LANCL2: variants seen among roughly 807,000 people sequenced by gnomAD.
LANCL2 encodes the protein LanC like glutathione S-transferase 2.
Under a neutral mutation model 56.9 loss-of-function variants are expected in LANCL2, and 33 were observed. The observed-to-expected ratio is 0.58, with a 90% CI of 0.44 to 0.78. The LOEUF is 0.78. Ranked by LOEUF, LANCL2 falls within the 30% of genes least tolerant of loss-of-function variation. The probability of loss-of-function intolerance (pLI) is 0.00; values close to 1 mark genes in which losing one functional copy is unlikely to be tolerated. For synonymous variants in LANCL2, 233 were observed against 228.2 expected (o/e 1.02, Z -0.19); for missense variants, 562 against 580.2 (o/e 0.97, Z 0.32).
At chr7:55,401,515 CTTTTT>C (rs58005456) in intron 5 of LANCL2, among the ~76,000 whole-genome samples, 195 bp downstream of exon 5, 5 of 58,046 alleles carry the variant, frequency 8.6e-5, no homozygotes, top group Non-Finnish European at 1.2e-4. Flanking sequence ...GGTATGGAGT[CTTTTT>C]TTTTTTTTTT....
chr7:55,391,893 C>T lies in LANCL2; in HGVS notation c.305C>T (p.Ala102Val). 1 of 1,589,788 alleles carries T rather than the reference C, an allele frequency of 6.3e-7. No individual in the cohort carries two copies. Among genetic ancestry groups the T allele is most frequent in the Non-Finnish European group, 8.6e-7 (1 of 1,158,234 alleles). Reference sequence around the variant, plus strand: ...ACAGCTGATCCCCATGACTGCTCTGCTTATACTGGCTGGACAGGTGAGGCT... The same window carrying T: ...ACAGCTGATCCCCATGACTGCTCTGTTTATACTGGCTGGACAGGTGAGGCT... ...LKTADPHDCS[A>V]YTGWTGIALL... Residue 102 changes from alanine (A) to valine (V), a missense_variant, in exon 2 of 9, where the codon GCT becomes GTT. Transcript: ENST00000254770.
At chr7:55,426,909 G>A (rs1170289501) in intron 7 of LANCL2, among the ~76,000 whole-genome samples, 7 of 152,318 alleles carry the variant, frequency 4.6e-5, no homozygotes, top group Admixed American at 3.9e-4. Flanking sequence ...TGGGCAATGC[G>A]AGAAGACCGC....
chr7:55,395,828 A>T (rs1323137751), intron 2 of LANCL2, among the ~76,000 whole-genome samples: 1 of 152,232 alleles, frequency 6.6e-6, no homozygotes, highest in East Asian at 1.9e-4. Context: ...ACAGTCATGC[A>T]TCGCTTCACA....
Position 55,365,907 on chromosome 7 carries a change from G to A in LANCL2, c.-119G>A, listed in dbSNP as rs561768020. The A allele has an allele frequency of 1.4e-5, 10 of 721,062 alleles. No individual in the cohort carries two copies. The highest frequency in any genetic ancestry group is 1.0e-4 in the East Asian group (3 of 29,386). 44.7% of individuals were successfully genotyped at this position (721,062 alleles called of 1,614,324 possible). Reference sequence around the variant, plus strand: ...CGCCCCGCTCCTCCCGCCAGCGCGCGGCCTCGCTCCTCCTAGAGGACGCTC... The same window carrying A: ...CGCCCCGCTCCTCCCGCCAGCGCGCAGCCTCGCTCCTCCTAGAGGACGCTC... On this transcript the variant is annotated 5_prime_UTR_variant, in exon 1 of 9. Transcript: ENST00000254770.
chr7:55,417,292 T>C (rs540992787), intron 6 of LANCL2, among the ~76,000 whole-genome samples: 1 of 152,220 alleles, frequency 6.6e-6, no homozygotes, highest in African/African-American at 2.4e-5. Context: ...GGTGTTTTTT[T>C]TTAACCATAG....
At chr7:55,380,504 A>G (rs1346505068) in intron 1 of LANCL2, among the ~76,000 whole-genome samples, 1 of 152,216 alleles carries the variant, frequency 6.6e-6, no homozygotes, top group East Asian at 1.9e-4. Flanking sequence ...CCTGTATAAA[A>G]CAACTATAAA....
At chr7:55,390,778 C>CA (rs556762101) in intron 1 of LANCL2, among the ~76,000 whole-genome samples, 108 of 138,606 alleles carry the variant, frequency 7.8e-4, no homozygotes, top group Admixed American at 1.1e-3. Flanking sequence ...AAAACTGTCT[C>CA]AAAAAAAAAA....
intron 6 of LANCL2, among the ~76,000 whole-genome samples, chr7:55,415,003 A>AAAAAG (rs1562868037): frequency 9.2e-5 from 7 of 76,216 alleles, no homozygotes; most frequent in Admixed American, 3.2e-4. Context: ...AAAAAAAAAG[A>AAAAAG]AAAGAAAAGA....
At chr7:55,374,808 G>T (rs1301015437) in intron 1 of LANCL2, among the ~76,000 whole-genome samples, 2 of 152,090 alleles carry the variant, frequency 1.3e-5, no homozygotes, top group African/African-American at 4.8e-5. Flanking sequence ...ATTACTTTAT[G>T]GTATACAGTT....
At chr7:55,391,194 T>C (rs1790184955) in intron 1 of LANCL2, among the ~76,000 whole-genome samples, 1 of 74,726 alleles carries the variant, frequency 1.3e-5, no homozygotes, top group Non-Finnish European at 3.5e-5. Context: ...TTTTTTTGTG[T>C]TTTTTAGTAG....
intron 1 of LANCL2, among the ~76,000 whole-genome samples, chr7:55,390,276 A>G (rs924682192): frequency 2.6e-5 from 4 of 152,100 alleles, no homozygotes; most frequent in Non-Finnish European, 5.9e-5. Flanking sequence ...ATAAGGGGAA[A>G]CCTCCCAATT....
intron 1 of LANCL2, among the ~76,000 whole-genome samples, chr7:55,370,853 T>G (rs1018822043): frequency 3.9e-5 from 6 of 152,008 alleles, no homozygotes; most frequent in Admixed American, 3.9e-4. Flanking sequence ...GTGATTGGAG[T>G]TGATGCTGAA....
chr7:55,383,437 G>A (rs1790090493), intron 1 of LANCL2, among the ~76,000 whole-genome samples: 1 of 152,106 alleles, frequency 6.6e-6, no homozygotes, highest in African/African-American at 2.4e-5. Flanking sequence ...AAAGTAATTG[G>A]CCCTCCCACC....
intron 6 of LANCL2, among the ~76,000 whole-genome samples, chr7:55,423,392 A>AGG (rs1462938696): frequency 1.3e-5 from 2 of 152,226 alleles, no homozygotes; most frequent in Admixed American, 1.3e-4. Context: ...CTCCACCAGC[A>AGG]GGGGCAGCTC....
intron 8 of LANCL2, 78 bp downstream of exon 8, chr7:55,428,525 A>C: frequency 8.9e-7 from 1 of 1,129,214 alleles, no homozygotes; most frequent in Non-Finnish European, 1.3e-6. Flanking sequence ...GGCACTGTTC[A>C]TATTTGACCT....
chr7:55,399,717 A>G (rs890941830), intron 3 of LANCL2, among the ~76,000 whole-genome samples: 1 of 152,204 alleles, frequency 6.6e-6, no homozygotes, highest in African/African-American at 2.4e-5. Context: ...TTTATGGTTT[A>G]AAATAGATGT....
chr7:55,402,241 G>A (rs1406103938), intron 5 of LANCL2, among the ~76,000 whole-genome samples: 1,578 of 137,350 alleles, frequency 0.011, 1 homozygote, highest in African/African-American at 0.04. Context: ...GGCTGGCCGG[G>A]CGGGGGGCTG....
intron 2 of LANCL2, among the ~76,000 whole-genome samples, chr7:55,393,094 A>G (rs973901109): frequency 6.6e-6 from 1 of 152,230 alleles, no homozygotes; most frequent in Non-Finnish European, 1.5e-5. Flanking sequence ...CCCAGTATTC[A>G]GAACATTCTA....
At chr7:55,401,396 A>G in intron 5 of LANCL2, 76 bp downstream of exon 5, 3 of 1,341,854 alleles carry the variant, frequency 2.2e-6, no homozygotes, top group Non-Finnish European at 3.1e-6. Flanking sequence ...GCATATAAAC[A>G]AAGCAGTCTG....
Sources: gnomAD v4.1 joint callset for allele counts (sites outside exome capture counted in the v4.1 genomes callset) on GRCh38, gnomAD v4.1.1 for gene constraint, MANE v1.5 for transcripts, NCBI Gene and HGNC (gene_info 2026-07-23, HGNC 2026-07-21) for gene names.